Variants in EBPL observed in about 807,000 individuals in gnomAD.
EBPL encodes EBP like.
A neutral mutation model predicts 19.0 loss-of-function variants in EBPL; 20 were observed. That is an observed-to-expected ratio of 1.05 (90% CI 0.74 to 1.53). EBPL has a LOEUF of 1.53. EBPL is among the 40% of genes most tolerant of loss of function. The pLI, the probability that EBPL is intolerant of heterozygous loss-of-function variation, is 0.00. For synonymous variants in EBPL, 107 were observed against 117.0 expected (o/e 0.91, Z 0.55); for missense variants, 219 against 261.1 (o/e 0.84, Z 1.11).
In EBPL at chr13:49,667,037, C is replaced by T. The variant is rs1464843038; in HGVS notation, c.241+2740G>A. Among the ~76,000 whole-genome samples, 4 of 152,026 alleles carry T rather than the reference C, an allele frequency of 2.6e-5. No homozygotes were observed. In the East Asian group the frequency reaches 7.7e-4, roughly 29 times the overall value. ...GGCCTGGAGCTGAGAGGTAGCGTGT[C>T]TGAATCTACAGACAGTTTAGCAGAG... On this transcript the variant is annotated intron_variant, in intron 2 of 3. Coordinates refer to ENST00000242827, the MANE Select transcript of EBPL (RefSeq NM_032565.5).
rs1374312574 is a variant in EBPL, at chr13:49,663,938, CA to C, written c.242-744del. ...AGACTCCGTCTCAAAAAAAAAAAAA[CA>C]AAAAAACAAACAACCAAAAACTTGT... On this transcript the variant is annotated intron_variant, in intron 2 of 3. Transcript: ENST00000242827. 2.1e-5 allele frequency among the ~76,000 whole-genome samples: 3 copies of C among 140,134 alleles called. No homozygotes were observed. The Admixed American group carries it at 2.2e-4, about 10-fold the overall frequency. 91.9% of individuals were successfully genotyped at this position (140,134 alleles called of 152,430 possible).
intron 2 of EBPL, among the ~76,000 whole-genome samples, chr13:49,668,868 A>G (rs1026334366): frequency 2.0e-5 from 3 of 150,470 alleles, no homozygotes; most frequent in Admixed American, 6.7e-5. Context: ...TTCCATCTGC[A>G]CTCACTACCA....
chr13:49,678,265 G>A (rs1444698285), intron 1 of EBPL, among the ~76,000 whole-genome samples: 1 of 152,214 alleles, frequency 6.6e-6, no homozygotes, highest in East Asian at 1.9e-4. Flanking sequence ...AGCCCAGCTG[G>A]CTTCCCCTAG....
intron 1 of EBPL, among the ~76,000 whole-genome samples, chr13:49,689,785 G>A (rs568018373): frequency 2.6e-5 from 4 of 152,012 alleles, no homozygotes; most frequent in Non-Finnish European, 5.9e-5. Flanking sequence ...TTTTCTAACC[G>A]GGCCTAGCAA....
intron 1 of EBPL, among the ~76,000 whole-genome samples, chr13:49,678,429 G>A (rs9535297): frequency 0.63 from 95,999 of 152,136 alleles, 32,054 homozygotes; most frequent in East Asian, 0.77. Flanking sequence ...CGGGCATGGC[G>A]GGCTGCAAGT....
chr13:49,667,394 C>G (rs1306536736), intron 2 of EBPL, among the ~76,000 whole-genome samples: 1 of 152,136 alleles, frequency 6.6e-6, no homozygotes, highest in Non-Finnish European at 1.5e-5. Context: ...GTGTCCTCAA[C>G]CAGACAGTGG....
chr13:49,691,448 GC>G lies in EBPL; in HGVS notation c.-25del. ...ATGCTTCAGGCTTCCGACGCCAACG[GC>G]CCAGGACCATGCGGCAGAGGAAAGC... On this transcript the variant is annotated 5_prime_UTR_variant, in exon 1 of 4. Transcript: ENST00000242827. 7.6e-7 allele frequency: 1 copy of G among 1,311,294 alleles called. No individual in the cohort carries two copies. 81.2% of individuals were successfully genotyped at this position (1,311,294 alleles called of 1,614,324 possible).
At chr13:49,680,683 G>C (rs909418389) in intron 1 of EBPL, among the ~76,000 whole-genome samples, 3 of 152,134 alleles carry the variant, frequency 2.0e-5, no homozygotes, top group African/African-American at 7.2e-5. Flanking sequence ...TTAGCTGCGC[G>C]TGGTGGCACG....
At chr13:49,663,328 T>TCCACTAAGGCATCGTG in intron 2 of EBPL, 133 bp from the exon 3 acceptor site, 1 of 1,194,102 alleles carries the variant, frequency 8.4e-7, no homozygotes, top group Non-Finnish European at 1.2e-6. Context: ...CACGATGCCT[T>TCCACTAAGGCATCGTG]AGTGGAAGGC....
At chr13:49,688,385 G>C (rs1420166318) in intron 1 of EBPL, among the ~76,000 whole-genome samples, 1 of 152,100 alleles carries the variant, frequency 6.6e-6, no homozygotes, top group Non-Finnish European at 1.5e-5. Context: ...CTTTCAATTT[G>C]ATGGCAGCCA....
At chr13:49,684,211 A>G (rs1467504477) in intron 1 of EBPL, among the ~76,000 whole-genome samples, 1 of 152,224 alleles carries the variant, frequency 6.6e-6, no homozygotes, top group Non-Finnish European at 1.5e-5. Context: ...ACTCTACACA[A>G]TCACCCAAAT....
intron 1 of EBPL, among the ~76,000 whole-genome samples, chr13:49,690,173 C>CAAAAAAAAAAAAAAAAAAA (rs1332181431): frequency 4.1e-5 from 4 of 96,484 alleles, no homozygotes; most frequent in African/African-American, 8.0e-5. Context: ...AAAAAAAAGA[C>CAAAAAAAAAAAAAAAAAAA]AAAAAAAAAA....
At chr13:49,689,842 T>C (rs1321480784) in intron 1 of EBPL, among the ~76,000 whole-genome samples, 1 of 152,184 alleles carries the variant, frequency 6.6e-6, no homozygotes, top group African/African-American at 2.4e-5. Flanking sequence ...GTTCAAGTGA[T>C]AGCTTAAAAA....
chr13:49,668,671 T>A, intron 2 of EBPL: 1 of 361,676 alleles, frequency 2.8e-6, no homozygotes. Context: ...TATAAAGTGG[T>A]AAAAAAAAAT....
chr13:49,669,864 A>G lies in EBPL; in HGVS notation c.172-18T>C. Reference sequence around the variant, plus strand: ...GGGCCTTCCTAGAGAGGAGAAAATGAAGACATGCTCTAATACAGCATCACA... The same window carrying G: ...GGGCCTTCCTAGAGAGGAGAAAATGGAGACATGCTCTAATACAGCATCACA... On this transcript the variant is annotated intron_variant, in intron 1 of 3. Coordinates refer to ENST00000242827, the MANE Select transcript of EBPL (RefSeq NM_032565.5). 9 of 1,599,672 alleles carry G rather than the reference A, an allele frequency of 5.6e-6. No homozygotes were observed. The highest frequency in any genetic ancestry group is 7.7e-6 in the Non-Finnish European group (9 of 1,167,120).
At chr13:49,683,530 AAAAC>A (rs201842615) in intron 1 of EBPL, among the ~76,000 whole-genome samples, 3 of 125,098 alleles carry the variant, frequency 2.4e-5, no homozygotes, top group African/African-American at 5.5e-5. Context: ...CTCTGTCTCA[AAAAC>A]AAACAAACAA....
intron 1 of EBPL, among the ~76,000 whole-genome samples, chr13:49,681,571 G>A (rs1258805517): frequency 6.6e-6 from 1 of 152,162 alleles, no homozygotes; most frequent in Non-Finnish European, 1.5e-5. Flanking sequence ...GATTACAGGC[G>A]TGAGCCACCA....
intron 2 of EBPL, among the ~76,000 whole-genome samples, chr13:49,666,843 T>A (rs1965235998): frequency 6.7e-6 from 1 of 149,930 alleles, no homozygotes; most frequent in African/African-American, 2.5e-5. Flanking sequence ...GAACTGACAT[T>A]GCGCCACTGC....
intron 1 of EBPL, among the ~76,000 whole-genome samples, chr13:49,679,469 G>A (rs560954306): frequency 2.6e-4 from 39 of 152,292 alleles, no homozygotes; most frequent in Non-Finnish European, 5.1e-4. Flanking sequence ...GGTGTCAGGC[G>A]TGATATGGTT....
Sources: gnomAD v4.1 joint callset for allele counts (sites outside exome capture counted in the v4.1 genomes callset) on GRCh38, gnomAD v4.1.1 for gene constraint, MANE v1.5 for transcripts, NCBI Gene and HGNC (gene_info 2026-07-23, HGNC 2026-07-21) for gene names.